PRKN: variants seen among roughly 807,000 people sequenced by gnomAD.
PRKN encodes parkin RBR E3 ubiquitin protein ligase, also known as E3 ubiquitin-protein ligase parkin.
In PRKN, 56 loss-of-function variants were observed where a neutral mutation model predicts 59.5. The observed-to-expected ratio is 0.94, with a 90% CI of 0.76 to 1.18. The LOEUF (loss-of-function observed/expected upper bound fraction) is 1.18. Ranked by LOEUF, PRKN falls within the 50% of genes most tolerant of loss-of-function variation. The pLI, the probability that PRKN is intolerant of heterozygous loss-of-function variation, is 0.00. For missense variants in PRKN, 657 were observed against 596.4 expected, an observed-to-expected ratio of 1.10 and a Z score of -1.06; for synonymous variants, 250 against 222.1, an observed-to-expected ratio of 1.13 and a Z score of -1.12.
At position 162,244,410 on chromosome 6, in the gene PRKN, T is replaced by A. The variant is rs564815720; in HGVS notation, c.412+18115A>T. 8.1e-4 allele frequency among the ~76,000 whole-genome samples: 124 copies of A among 152,228 alleles called. 1 individual carries two copies. The highest frequency in any genetic ancestry group is 3.0e-3 in the African/African-American group (123 of 41,564). On this transcript the variant is annotated intron_variant, in intron 3 of 11. Transcript: ENST00000366898. ...AAAAGCTTTAGAAATGGGTCTAAGATAGTTTGGAAACCCAAGTTCACAAAA... is the reference window on the plus strand; with the variant it reads ...AAAAGCTTTAGAAATGGGTCTAAGAAAGTTTGGAAACCCAAGTTCACAAAA...
intron 5 of PRKN, among the ~76,000 whole-genome samples, chr6:161,984,881 G>A (rs1446988554): frequency 6.6e-6 from 1 of 152,152 alleles, no homozygotes; most frequent in Non-Finnish European, 1.5e-5. Flanking sequence ...GAGTGAGCAG[G>A]AGGACCCTGC....
chr6:162,454,420 T>C (rs1244578124), intron 1 of PRKN, among the ~76,000 whole-genome samples: 1 of 152,240 alleles, frequency 6.6e-6, no homozygotes, highest in East Asian at 1.9e-4. Context: ...TTACAGACAT[T>C]ATCTCAGTTA....
intron 7 of PRKN, among the ~76,000 whole-genome samples, chr6:161,784,742 A>T (rs1460793061): frequency 6.6e-6 from 1 of 152,206 alleles, no homozygotes; most frequent in Non-Finnish European, 1.5e-5. Flanking sequence ...TAAACTTCGA[A>T]TTCTGCTTCT....
intron 2 of PRKN, among the ~76,000 whole-genome samples, chr6:162,431,728 G>C (rs1789539396): frequency 6.6e-6 from 1 of 152,096 alleles, no homozygotes; most frequent in Non-Finnish European, 1.5e-5. Flanking sequence ...TTTTGAATAA[G>C]AGATGGTCCA....
intron 4 of PRKN, among the ~76,000 whole-genome samples, chr6:162,144,859 T>A (rs530152144): frequency 6.6e-6 from 1 of 152,228 alleles, no homozygotes; most frequent in East Asian, 1.9e-4. Context: ...TCTAGTAACA[T>A]TTAAGGCTAC....
chr6:162,469,351 G>A (rs1253746095), intron 1 of PRKN, among the ~76,000 whole-genome samples: 1 of 78,984 alleles, frequency 1.3e-5, no homozygotes, highest in Non-Finnish European at 2.9e-5. Flanking sequence ...GGGGGTTGCA[G>A]GGGGGGGTGG....
Position 162,054,174 on chromosome 6 carries a change from C to A in PRKN, c.535G>T (p.Gly179Cys). The change falls in exon 5 of 12, where the codon GGT becomes TGT. Residue 179 changes from glycine to cysteine, a missense_variant and splice_region_variant. Coordinates refer to ENST00000366898, the MANE Select transcript of PRKN (RefSeq NM_004562.3). The part of the protein sequence containing the change: ...CRQATLTLTQ[G>C]PSCWDDVLIP... The stretch of plus-strand genomic sequence containing the variant: ...AAAACATCATCCCAGCAAGATGGAC[C>A]CTTTGGGAAAAAACAACAATATATG... 1 of 1,607,474 alleles carries A rather than the reference C, an allele frequency of 6.2e-7. No homozygotes were observed. The highest frequency in any genetic ancestry group is 8.5e-7 in the Non-Finnish European group (1 of 1,174,092).
chr6:162,238,285 G>A (rs1281889854), intron 3 of PRKN, among the ~76,000 whole-genome samples: 1 of 152,254 alleles, frequency 6.6e-6, no homozygotes, highest in East Asian at 1.9e-4. Context: ...ATGCTGCATG[G>A]GTTTGTTGTC....
chr6:162,605,076 A>G (rs187995909), intron 1 of PRKN, among the ~76,000 whole-genome samples: 1 of 152,292 alleles, frequency 6.6e-6, no homozygotes, highest in East Asian at 1.9e-4. Flanking sequence ...ACTTGCCAAA[A>G]GTGATCTTTT....
intron 5 of PRKN, among the ~76,000 whole-genome samples, chr6:161,984,855 T>G (rs1458403271): frequency 6.6e-6 from 1 of 152,204 alleles, no homozygotes; most frequent in African/African-American, 2.4e-5. Context: ...AGTTCCACGC[T>G]GCACAGCCTC....
rs947890278 is a variant in PRKN at position 161,550,704 on chromosome 6, C to T, written c.934-1701G>A. ...AGGAGGCGGGTAGGGGTGGGGACAACTGTGGTAGAAGAAAGGGTATGTGTG... is the reference window on the plus strand; with the variant it reads ...AGGAGGCGGGTAGGGGTGGGGACAATTGTGGTAGAAGAAAGGGTATGTGTG... On this transcript the variant is annotated intron_variant, in intron 8 of 11. Transcript: ENST00000366898. This position sits in a 1 kb window ranked among gnomAD's most constrained non-coding sequence, Gnocchi z 4.0. Among the ~76,000 whole-genome samples, 8 of 148,162 alleles carry T rather than the reference C, an allele frequency of 5.4e-5. No homozygotes were observed. Among genetic ancestry groups the T allele is most frequent in the Admixed American group, 6.7e-5 (1 of 14,920 alleles).
chr6:162,212,802 G>A (rs1269911078), intron 3 of PRKN, among the ~76,000 whole-genome samples: 1 of 152,180 alleles, frequency 6.6e-6, no homozygotes, highest in Non-Finnish European at 1.5e-5. Context: ...CTATGAACCT[G>A]TAGAGCATGT....
At chr6:161,703,167 G>T (rs1282910166) in intron 7 of PRKN, among the ~76,000 whole-genome samples, 6 of 152,046 alleles carry the variant, frequency 3.9e-5, no homozygotes, top group Admixed American at 3.9e-4. Context: ...AATTAGCCAG[G>T]CATGGTAGCA....
chr6:162,653,191 C>T (rs1252465155), intron 1 of PRKN, among the ~76,000 whole-genome samples: 2 of 152,162 alleles, frequency 1.3e-5, no homozygotes, highest in Admixed American at 6.5e-5. Flanking sequence ...GATATACAAA[C>T]AGTTTAATGA....
At chr6:161,877,550 C>T (rs1312675599) in intron 6 of PRKN, among the ~76,000 whole-genome samples, 1 of 151,640 alleles carries the variant, frequency 6.6e-6, no homozygotes, top group South Asian at 2.1e-4. Flanking sequence ...AGCTCAGCCT[C>T]CTGGGTTCAC....
chr6:162,476,361 C>G (rs1373157470), intron 1 of PRKN, among the ~76,000 whole-genome samples: 1 of 152,078 alleles, frequency 6.6e-6, no homozygotes, highest in Non-Finnish European at 1.5e-5. Context: ...TGTGAGCCAC[C>G]GCGCCCAGCC....
rs768678562 is a variant in PRKN, at chr6:161,456,968, C to T, written c.1084-70091G>A. On this transcript the variant is annotated intron_variant, in intron 9 of 11. Transcript: ENST00000366898. This position sits in a 1 kb window ranked among gnomAD's most constrained non-coding sequence, Gnocchi z 4.8. Reference sequence around the variant, plus strand: ...AACACTTGCCCTCTCAGAGCCTTTGCCTCCACTGTGGTCCTACCAGAGAGC... The same window carrying T: ...AACACTTGCCCTCTCAGAGCCTTTGTCTCCACTGTGGTCCTACCAGAGAGC... Among the ~76,000 whole-genome samples, 1 of 152,180 alleles carries T rather than the reference C, an allele frequency of 6.6e-6. No homozygotes were observed. The highest frequency in any genetic ancestry group is 1.5e-5 in the Non-Finnish European group (1 of 68,034).
chr6:162,187,826 C>A (rs1193864523), intron 4 of PRKN, among the ~76,000 whole-genome samples: 2 of 152,092 alleles, frequency 1.3e-5, no homozygotes, highest in African/African-American at 4.8e-5. Flanking sequence ...GTAAAAGGAA[C>A]CACCACCAGA....
intron 5 of PRKN, among the ~76,000 whole-genome samples, chr6:162,029,283 A>G (rs1439599222): frequency 1.3e-5 from 2 of 152,192 alleles, no homozygotes; most frequent in Non-Finnish European, 2.9e-5. Context: ...TGTCTTACAG[A>G]TACTTTTATT....
Sources: allele counts gnomAD v4.1 joint callset (sites outside exome capture counted in the v4.1 genomes callset), GRCh38; gene constraint gnomAD v4.1.1; non-coding constraint Gnocchi (gnomAD v3.1); transcripts MANE v1.5; gene names NCBI Gene and HGNC (gene_info 2026-07-23, HGNC 2026-07-21).